The following PCDHGA8 variants were observed in gnomAD, a reference collection of about 807,000 sequenced individuals.
PCDHGA8 encodes the protein protocadherin gamma subfamily A, 8, also known as protocadherin gamma-A8.
A neutral mutation model predicts 59.2 loss-of-function variants in PCDHGA8; 45 were observed. The ratio of observed to expected loss-of-function variants is 0.76; its 90% CI spans 0.60 to 0.98. The LOEUF (loss-of-function observed/expected upper bound fraction) is 0.98. Ranked by LOEUF, PCDHGA8 falls within the 50% of genes least tolerant of loss-of-function variation. The probability of loss-of-function intolerance (pLI) is 0.00; values close to 1 mark genes in which losing one functional copy is unlikely to be tolerated. For missense variants in PCDHGA8, 1,257 were observed against 1,196.2 expected, an observed-to-expected ratio of 1.05 and a Z score of -0.75; for synonymous variants, 531 against 519.0, an observed-to-expected ratio of 1.02 and a Z score of -0.32.
intron 1 of PCDHGA8, among the ~76,000 whole-genome samples, chr5:141,401,328 G>A (rs919361243): frequency 3.3e-5 from 5 of 151,962 alleles, no homozygotes; most frequent in Non-Finnish European, 7.4e-5. Context: ...GGCAACAAGA[G>A]CAAAACTCCA....
chr5:141,486,884 C>G lies in PCDHGA8; in HGVS notation c.2425-7923C>G, dbSNP rs1272694679. On this transcript the variant is annotated intron_variant, in intron 1 of 3. Transcript: ENST00000398604. The surrounding 1 kb of genome is among the most constrained non-coding windows in gnomAD (Gnocchi z 5.0). ...TCCAGCTGTGCTCCGTCCTCGGGCC[C>G]GGCCTGGTTCCTTATGTCCCCAAGC... The G allele has an allele frequency of 6.2e-7, 1 of 1,614,224 alleles. No homozygotes were observed. The highest frequency in any genetic ancestry group is 8.5e-7 in the Non-Finnish European group (1 of 1,180,046).
intron 1 of PCDHGA8, chr5:141,423,809 GT>G (rs1484832928): frequency 7.9e-7 from 1 of 1,259,912 alleles, no homozygotes; most frequent in African/African-American, 1.6e-5. Context: ...ATACATGTGA[GT>G]TTTACTTTGC....
Position 141,491,608 on chromosome 5 carries a change from C to T in PCDHGA8, c.2425-3199C>T. On this transcript the variant is annotated intron_variant, in intron 1 of 3. Transcript: ENST00000398604. This position sits in a 1 kb window ranked among gnomAD's most constrained non-coding sequence, Gnocchi z 6.9. Reference sequence around the variant, plus strand: ...CTCGGACGGCAGTGACTTCACTTTTCTAAGACCCCTCAGCGTTCAGCAGCC... The same window carrying T: ...CTCGGACGGCAGTGACTTCACTTTTTTAAGACCCCTCAGCGTTCAGCAGCC... 6.2e-7 allele frequency: 1 copy of T among 1,613,942 alleles called. No individual in the cohort carries two copies. The highest frequency in any genetic ancestry group is 1.1e-5 in the South Asian group (1 of 91,086).
intron 1 of PCDHGA8, chr5:141,420,344 T>G (rs2096490860): frequency 2.2e-6 from 3 of 1,394,808 alleles, no homozygotes; most frequent in African/African-American, 1.5e-5. Flanking sequence ...TATAGTGGTA[T>G]TATTTTAAGA....
rs2096175268 is a variant in PCDHGA8, at chr5:141,417,870, G to A, written c.2424+22633G>A. On this transcript the variant is annotated intron_variant, in intron 1 of 3. Transcript: ENST00000398604. ...GAACCCGAGCGAACGATGGGAGGGA[G>A]CTGCGCGCAGAGGCGCCGGGCCGGC... 3 of 1,553,910 alleles carry A rather than the reference G, an allele frequency of 1.9e-6. No homozygotes were observed. Among genetic ancestry groups the A allele is most frequent in the Admixed American group, 2.0e-5 (1 of 51,084 alleles).
chr5:141,501,478 T>A (rs536337246), intron 2 of PCDHGA8, among the ~76,000 whole-genome samples: 5 of 151,890 alleles, frequency 3.3e-5, no homozygotes, highest in Non-Finnish European at 7.4e-5. Flanking sequence ...CCTGGAAGAG[T>A]CCCTCATATC....
intron 1 of PCDHGA8, chr5:141,419,045 T>G (rs1473408777): frequency 6.2e-7 from 1 of 1,613,710 alleles, no homozygotes; most frequent in Non-Finnish European, 8.5e-7. Context: ...TAAGATTCAT[T>G]CTTCTTCTAA....
At chr5:141,480,982 C>T (rs1258067957) in intron 1 of PCDHGA8, among the ~76,000 whole-genome samples, 1 of 152,150 alleles carries the variant, frequency 6.6e-6, no homozygotes, top group African/African-American at 2.4e-5. Context: ...TCAGTGAACC[C>T]AGGATGTGGA....
chr5:141,475,739 T>C (rs190533989), intron 1 of PCDHGA8, among the ~76,000 whole-genome samples: 593 of 152,384 alleles, frequency 3.9e-3, no homozygotes, highest in Non-Finnish European at 6.7e-3. Flanking sequence ...TTCCCTAAGG[T>C]AGGTTTCCTA....
Position 141,491,094 on chromosome 5 carries a change from G to C in PCDHGA8, c.2425-3713G>C, listed in dbSNP as rs1240705650. The C allele has an allele frequency of 1.9e-6, 3 of 1,614,202 alleles. No homozygotes were observed. Among genetic ancestry groups the C allele is most frequent in the Non-Finnish European group, 2.5e-6 (3 of 1,180,030 alleles). On this transcript the variant is annotated intron_variant, in intron 1 of 3. Coordinates refer to ENST00000398604, the MANE Select transcript of PCDHGA8 (RefSeq NM_032088.2). The surrounding 1 kb of genome is among the most constrained non-coding windows in gnomAD (Gnocchi z 6.9). The stretch of plus-strand genomic sequence containing the variant: ...TGCCACAGTCCACAGCCCCAGGACT[G>C]TTCCTCGTGTCTACACACACTGGTG...
chr5:141,490,890 G>C lies in PCDHGA8; in HGVS notation c.2425-3917G>C, dbSNP rs751713801. The C allele has an allele frequency of 9.9e-6, 16 of 1,613,306 alleles. No homozygotes were observed. The South Asian group carries it at 1.2e-4, about 12-fold the overall frequency. On this transcript the variant is annotated intron_variant, in intron 1 of 3. Transcript: ENST00000398604. This position sits in a 1 kb window ranked among gnomAD's most constrained non-coding sequence, Gnocchi z 5.4. ...CCCCATTGCATGCCAACACATCTCT[G>C]CATGTGTTTGTCCTAGACGAGAATG...
intron 1 of PCDHGA8, among the ~76,000 whole-genome samples, chr5:141,488,394 A>C (rs2099674951): frequency 1.3e-5 from 2 of 152,232 alleles, no homozygotes. Flanking sequence ...TGGTGAAACC[A>C]TGAAACCTAG....
chr5:141,419,715 TG>T (rs754309862), intron 1 of PCDHGA8: 1 of 1,613,288 alleles, frequency 6.2e-7, no homozygotes, highest in South Asian at 1.1e-5. Flanking sequence ...CTCTTCAGCC[TG>T]GGGCTGCGAA....
intron 1 of PCDHGA8, chr5:141,402,981 G>A (rs375892904): frequency 1.2e-6 from 2 of 1,608,410 alleles, no homozygotes; most frequent in Non-Finnish European, 1.7e-6. Flanking sequence ...TGCCAGCTCC[G>A]CGGAAGATTA....
In PCDHGA8 at chr5:141,477,880, C is replaced by T. The variant is rs763789849; in HGVS notation, c.2425-16927C>T. 10 of 1,614,058 alleles carry T rather than the reference C, an allele frequency of 6.2e-6. No homozygotes were observed. The African/African-American group carries it at 1.2e-4, about 19-fold the overall frequency. ...TGCCTCGAGGTACCTCAGCTGGCCA[C>T]CTAGTGTCACGGGTGGTAGGCTGGG... is the stretch of plus-strand genomic sequence containing the variant. On this transcript the variant is annotated intron_variant, in intron 1 of 3. Transcript: ENST00000398604. The surrounding 1 kb of genome is among the most constrained non-coding windows in gnomAD (Gnocchi z 4.9).
intron 1 of PCDHGA8, chr5:141,411,430 A>C (rs918915726): frequency 6.6e-6 from 1 of 151,188 alleles, no homozygotes; most frequent in Admixed American, 6.6e-5. Context: ...CAACAAAAAA[A>C]AACATTAGCA....
intron 1 of PCDHGA8, among the ~76,000 whole-genome samples, chr5:141,446,758 C>A (rs776925316): frequency 6.6e-6 from 1 of 152,326 alleles, no homozygotes; most frequent in Non-Finnish European, 1.5e-5. Flanking sequence ...TGAGCCACCG[C>A]GCCCAGCCGG....
At chr5:141,423,100 G>A in intron 1 of PCDHGA8, 1 of 1,613,944 alleles carries the variant, frequency 6.2e-7, no homozygotes, top group Non-Finnish European at 8.5e-7. Context: ...GGAGCACACG[G>A]GCGAGGTGCG....
chr5:141,485,134 C>T lies in PCDHGA8; in HGVS notation c.2425-9673C>T. The T allele has an allele frequency of 6.7e-7, 1 of 1,495,958 alleles. No homozygotes were observed. The highest frequency in any genetic ancestry group is 1.4e-5 in the African/African-American group (1 of 72,714). 92.7% of individuals were successfully genotyped at this position (1,495,958 alleles called of 1,614,324 possible). On this transcript the variant is annotated intron_variant, in intron 1 of 3. Transcript: ENST00000398604. The surrounding 1 kb of genome is among the most constrained non-coding windows in gnomAD (Gnocchi z 5.7). Reference sequence around the variant, plus strand: ...CTGTTTGGGGCGGGTCGGCTTCATCCGCGTCTCAGGAGCAAGTAGAGAATT... The same window carrying T: ...CTGTTTGGGGCGGGTCGGCTTCATCTGCGTCTCAGGAGCAAGTAGAGAATT...
Sources: allele counts gnomAD v4.1 joint callset (sites outside exome capture counted in the v4.1 genomes callset), GRCh38; gene constraint gnomAD v4.1.1; non-coding constraint Gnocchi (gnomAD v3.1); transcripts MANE v1.5; gene names NCBI Gene and HGNC (gene_info 2026-07-23, HGNC 2026-07-21).